Variants in GK observed in about 807,000 individuals in gnomAD.
GK encodes the protein glycerol kinase, also known as ATP:glycerol 3-phosphotransferase.
In GK, 9 loss-of-function variants were observed where a neutral mutation model predicts 56.4. The ratio of observed to expected loss-of-function variants is 0.16; its 90% CI spans 0.10 to 0.28. The LOEUF is 0.28. Ranked by LOEUF, GK falls within the 10% of genes least tolerant of loss-of-function variation. The pLI is 1.00. For synonymous variants in GK, 104 were observed against 144.1 expected (o/e 0.72, Z 1.99); for missense variants, 161 against 431.4 (o/e 0.37, Z 5.55).
Position 30,700,410 on chromosome X carries a change from T to C in GK, c.748-4T>C, listed in dbSNP as rs376359438. On this transcript the variant is annotated splice_polypyrimidine_tract_variant and splice_region_variant and intron_variant, in intron 9 of 20. Coordinates refer to ENST00000427190, the MANE Select transcript of GK (RefSeq NM_001205019.2). Reference sequence around the variant, plus strand: ...TTCATAATCCTTTTTTTAAATTTTATTAGAAAGCTGGGGCCTTGGAAGGTG... The same window carrying C: ...TTCATAATCCTTTTTTTAAATTTTACTAGAAAGCTGGGGCCTTGGAAGGTG... The C allele has an allele frequency of 1.7e-6, 2 of 1,199,187 alleles. No homozygotes were observed. The highest frequency in any genetic ancestry group is 2.3e-6 in the Non-Finnish European group (2 of 886,115).
At chrX:30,665,252 G>T (rs1051555694) in intron 1 of GK, among the ~76,000 whole-genome samples, 7 of 111,362 alleles carry the variant, frequency 6.3e-5, no homozygotes, top group Admixed American at 2.9e-4. Flanking sequence ...GAACCATTTT[G>T]GTTTTTTAAG....
At chrX:30,698,866 C>CAAAAAAAAAAAAAA (rs386416832) in intron 9 of GK, among the ~76,000 whole-genome samples, 3 of 43,283 alleles carry the variant, frequency 6.9e-5, no homozygotes, top group Non-Finnish European at 1.2e-4. Context: ...AACTCCATCT[C>CAAAAAAAAAAAAAA]AAAAAAAAAA....
intron 1 of GK, among the ~76,000 whole-genome samples, chrX:30,661,684 C>A (rs1364238956): frequency 9.0e-6 from 1 of 111,332 alleles, no homozygotes; most frequent in Non-Finnish European, 1.9e-5. Context: ...CTCTTCATAG[C>A]CCTGACAGCC....
chrX:30,717,136 TTAATAGAACTGAGGACAGG>T (rs749911755), intron 13 of GK, among the ~76,000 whole-genome samples: 1 of 111,650 alleles, frequency 9.0e-6, no homozygotes, highest in Non-Finnish European at 1.9e-5. Flanking sequence ...TGTAATTCAG[TTAATAGAACTGAGGACAGG>T]TCCCTACATT....
At chrX:30,696,795 C>A in intron 8 of GK, 112 bp downstream of exon 8, 1 of 570,655 alleles carries the variant, frequency 1.8e-6, no homozygotes, top group Non-Finnish European at 3.0e-6. Context: ...ATTCATAATT[C>A]AAAAGTCAAC....
chrX:30,730,049 C>T lies in GK; in HGVS notation c.*1307C>T, dbSNP rs1188453151. On this transcript the variant is annotated 3_prime_UTR_variant, in exon 21 of 21. Coordinates refer to ENST00000427190, the MANE Select transcript of GK (RefSeq NM_001205019.2). Reference sequence around the variant, plus strand: ...TCATTATAACTGAAAGAAGGTTTATCATTACAAATACCTTCCAATGAAACC... The same window carrying T: ...TCATTATAACTGAAAGAAGGTTTATTATTACAAATACCTTCCAATGAAACC... 8.9e-6 allele frequency: 1 copy of T among 112,279 alleles called. No homozygotes were observed. Among genetic ancestry groups the T allele is most frequent in the African/African-American group, 3.2e-5 (1 of 30,971 alleles). 9.3% of individuals were successfully genotyped at this position (112,279 alleles called of 1,213,427 possible).
chrX:30,681,834 T>G (rs1223749031), intron 4 of GK, among the ~76,000 whole-genome samples: 2 of 111,899 alleles, frequency 1.8e-5, no homozygotes, highest in Non-Finnish European at 3.8e-5. Flanking sequence ...CATACAGTTC[T>G]ATATCCAGTG....
intron 4 of GK, among the ~76,000 whole-genome samples, chrX:30,677,759 A>G (rs1433324521): frequency 2.9e-5 from 3 of 102,890 alleles, no homozygotes; most frequent in African/African-American, 1.1e-4. Context: ...TGGGAGGCAG[A>G]GGTTGCAGTG....
At chrX:30,693,349 T>C (rs764159001) in intron 5 of GK, among the ~76,000 whole-genome samples, 67 of 110,858 alleles carry the variant, frequency 6.0e-4, no homozygotes, top group African/African-American at 2.0e-3. Context: ...AATCAGCCTT[T>C]ATATACATTT....
At position 30,694,517 on chromosome X, in the gene GK, A is replaced by G. The variant is rs1365392112; in HGVS notation, c.532A>G (p.Ile178Val). 2.5e-6 allele frequency: 3 copies of G among 1,207,468 alleles called. No individual in the cohort carries two copies. Among genetic ancestry groups the G allele is most frequent in the Admixed American group, 2.2e-5 (1 of 46,020 alleles). The stretch of plus-strand genomic sequence containing the variant: ...AGAAAAACGAGCTCTTTTTGGGACT[A>G]TTGATTCATGGCTTATTTGGGTATG... ...VEEKRALFGT[I>V]DSWLIWSLTG... Residue 178 changes from isoleucine to valine, a missense_variant, in exon 6 of 21, where the codon ATT becomes GTT. Ile to Val is a conservative substitution (Grantham distance 29). Transcript: ENST00000427190.
intron 1 of GK, among the ~76,000 whole-genome samples, chrX:30,661,422 G>A (rs1451627907): frequency 1.8e-5 from 2 of 110,388 alleles, no homozygotes; most frequent in Non-Finnish European, 3.8e-5. Context: ...GGCCCTCCTA[G>A]TGGAGGCCTC....
At chrX:30,658,850 C>T (rs1932506138) in intron 1 of GK, among the ~76,000 whole-genome samples, 1 of 112,299 alleles carries the variant, frequency 8.9e-6, no homozygotes, top group African/African-American at 3.2e-5. Flanking sequence ...GTGGTAGACA[C>T]ATGTTACATG....
chrX:30,721,458 A>AT (rs35498618), intron 18 of GK: 1,570 of 93,391 alleles, frequency 0.017, 10 homozygotes, highest in East Asian at 0.039. Context: ...CGCCCGCCTA[A>AT]TTTTTTTTTT....
At chrX:30,686,446 C>T (rs750422776) in intron 4 of GK, among the ~76,000 whole-genome samples, 1 of 112,066 alleles carries the variant, frequency 8.9e-6, no homozygotes, top group Non-Finnish European at 1.9e-5. Context: ...CACTTCCTAT[C>T]ACCCTAGCAG....
chrX:30,709,429 T>C (rs1394472246), intron 13 of GK, among the ~76,000 whole-genome samples: 2 of 111,984 alleles, frequency 1.8e-5, no homozygotes, highest in Non-Finnish European at 3.8e-5. Context: ...TGGACCTGCA[T>C]TGGTTGTCAA....
intron 1 of GK, among the ~76,000 whole-genome samples, chrX:30,663,505 A>C (rs1334933527): frequency 9.0e-6 from 1 of 111,328 alleles, no homozygotes; most frequent in African/African-American, 3.3e-5. Context: ...TATCCTAGAG[A>C]CATACCCTAA....
intron 13 of GK, among the ~76,000 whole-genome samples, chrX:30,717,813 T>G (rs1416577436): frequency 1.8e-5 from 2 of 111,918 alleles, no homozygotes; most frequent in African/African-American, 6.5e-5. Flanking sequence ...TATATTCTCA[T>G]ATTGAGCCTC....
chrX:30,704,294 G>A (rs1189076366), intron 11 of GK, among the ~76,000 whole-genome samples: 1 of 106,158 alleles, frequency 9.4e-6, no homozygotes, highest in Non-Finnish European at 1.9e-5. Flanking sequence ...ACCACACTCA[G>A]CTAATTTTTA....
chrX:30,677,062 A>T (rs762693549), intron 3 of GK, among the ~76,000 whole-genome samples: 9 of 111,676 alleles, frequency 8.1e-5, no homozygotes, highest in African/African-American at 9.8e-5. Context: ...GGGTATTATA[A>T]ATTTGTGAAG....
Sources: gnomAD v4.1 joint callset for allele counts (sites outside exome capture counted in the v4.1 genomes callset) on GRCh38, gnomAD v4.1.1 for gene constraint, MANE v1.5 for transcripts, NCBI Gene and HGNC (gene_info 2026-07-23, HGNC 2026-07-21) for gene names.